The following GRM7 variants were observed in gnomAD, a reference collection of about 807,000 sequenced individuals.
GRM7 encodes the protein glutamate metabotropic receptor 7, also known as metabotropic glutamate receptor 7.
GRM7 carries 35 observed loss-of-function variants against 84.5 expected under a neutral mutation model. The observed-to-expected ratio is 0.41, with a 90% CI of 0.32 to 0.55. The LOEUF is 0.55. GRM7 is among the 20% of genes least tolerant of loss of function. GRM7 has a pLI of 0.19. For missense variants in GRM7, 1,003 were observed against 1,194.6 expected (o/e 0.84, Z 2.36); for synonymous variants, 487 against 455.1 (o/e 1.07, Z -0.89).
At chr3:6,955,610 T>A (rs1693006342) in intron 1 of GRM7, among the ~76,000 whole-genome samples, 1 of 151,656 alleles carries the variant, frequency 6.6e-6, no homozygotes, top group African/African-American at 2.4e-5. Flanking sequence ...TTTAGGAGGC[T>A]GAGATGGGCA....
intron 7 of GRM7, among the ~76,000 whole-genome samples, chr3:7,551,729 T>A (rs1693487830): frequency 6.6e-6 from 1 of 152,148 alleles, no homozygotes; most frequent in African/African-American, 2.4e-5. Flanking sequence ...GTCAGAGGAT[T>A]GCCTGGGAAG....
In GRM7 at chr3:6,951,415, C is replaced by G. The variant is rs1575058518; in HGVS notation, c.519+89508C>G. ...TCTTTCTTCTTTTTTCTAATATAGG[C>G]ATTTAATGCTATAAATTTCCCCTTA... is the stretch of plus-strand genomic sequence containing the variant. On this transcript the variant is annotated intron_variant, in intron 1 of 9. Transcript: ENST00000357716. Among the ~76,000 whole-genome samples the G allele has an allele frequency of 3.9e-5, 6 of 152,094 alleles. No individual in the cohort carries two copies. The South Asian group carries it at 1.0e-3, about 26-fold the overall frequency.
chr3:7,358,353 C>CACTCAGGCTGGAGTGCAGTGGCATGATCT (rs1553567485), intron 4 of GRM7, among the ~76,000 whole-genome samples: 10 of 150,128 alleles, frequency 6.7e-5, no homozygotes, highest in South Asian at 2.1e-4. Flanking sequence ...TGGACTGAGT[C>CACTCAGGCTGGAGTGCAGTGGCATGATCT]CCAGGAGATC....
chr3:7,470,564 A>G (rs1698658572), intron 7 of GRM7, among the ~76,000 whole-genome samples: 1 of 152,192 alleles, frequency 6.6e-6, no homozygotes, highest in African/African-American at 2.4e-5. Context: ...TGGTTCCACA[A>G]ACATGTACAT....
rs1694819260 is a variant in GRM7 at position 6,863,124 on chromosome 3, T to TG, written c.519+1218dup. On this transcript the variant is annotated intron_variant, in intron 1 of 9. Transcript: ENST00000357716. This position sits in a 1 kb window ranked among gnomAD's most constrained non-coding sequence, Gnocchi z 4.8. ...TCTCTTTCTGTCTCTGTCTCCTTGC[T>TG]GTTTTTTTTTTCTCTCTGTTTTTTC... 3 of 341,438 alleles carry TG rather than the reference T, an allele frequency of 8.8e-6. No individual in the cohort carries two copies. Among genetic ancestry groups the TG allele is most frequent in the Non-Finnish European group, 1.7e-5 (3 of 173,214 alleles). The allele number at this position is 341,438 out of a possible 1,614,324, so 21.2% of individuals were successfully genotyped here.
intron 7 of GRM7, among the ~76,000 whole-genome samples, chr3:7,567,774 A>T (rs1217634006): frequency 7.5e-6 from 1 of 133,984 alleles, no homozygotes; most frequent in Non-Finnish European, 1.6e-5. Flanking sequence ...AAAAAAAAAA[A>T]AAAAAAAAAA....
At chr3:7,212,923 C>A (rs1696478185) in intron 2 of GRM7, among the ~76,000 whole-genome samples, 2 of 152,162 alleles carry the variant, frequency 1.3e-5, no homozygotes. Context: ...TGAATAGTGG[C>A]TGGAGTGGAG....
Position 7,694,436 on chromosome 3 carries a change from C to T in GRM7, c.2698+14141C>T, listed in dbSNP as rs550604497. The stretch of plus-strand genomic sequence containing the variant: ...GTACCCATTGTCATCCTGTACCACA[C>T]ATAATAAAGTTTAAGAATGTCAAGC... On this transcript the variant is annotated intron_variant, in intron 9 of 9. Transcript: ENST00000357716. 52 of 936,158 alleles carry T rather than the reference C, an allele frequency of 5.6e-5. No homozygotes were observed. In the African/African-American group the frequency reaches 6.2e-4, roughly 11 times the overall value. 58.0% of individuals were successfully genotyped at this position (936,158 alleles called of 1,614,324 possible). A position where few individuals can be genotyped will look rare whatever the true frequency, so the allele number is the denominator to read the frequency against.
intron 1 of GRM7, among the ~76,000 whole-genome samples, chr3:7,002,532 C>T (rs1347649643): frequency 1.3e-5 from 2 of 152,108 alleles, no homozygotes; most frequent in East Asian, 1.9e-4. Context: ...GTATCCTGAG[C>T]ACTCTGCTAG....
At chr3:7,238,047 C>A (rs1018803102) in intron 2 of GRM7, among the ~76,000 whole-genome samples, 9 of 152,188 alleles carry the variant, frequency 5.9e-5, no homozygotes, top group Non-Finnish European at 1.2e-4. Context: ...CTGGCTTCAC[C>A]TCTCAAAAGC....
chr3:7,125,761 G>A (rs983150922), intron 1 of GRM7, among the ~76,000 whole-genome samples: 14 of 152,136 alleles, frequency 9.2e-5, no homozygotes, highest in Admixed American at 6.6e-4. Context: ...AGACTTGTTG[G>A]CAGTAAAAAT....
At chr3:6,982,221 C>T (rs189004893) in intron 1 of GRM7, among the ~76,000 whole-genome samples, 4 of 152,258 alleles carry the variant, frequency 2.6e-5, no homozygotes, top group Admixed American at 2.6e-4. Flanking sequence ...TTCATGCTCT[C>T]ATTTGTAAGT....
chr3:7,672,602 T>C (rs907414104), intron 8 of GRM7, among the ~76,000 whole-genome samples: 2 of 34,614 alleles, frequency 5.8e-5, no homozygotes, highest in Admixed American at 4.6e-4. Flanking sequence ...TTTAATATAC[T>C]TTTTTTTTTT....
chr3:7,396,182 T>G (rs902926757), intron 4 of GRM7, among the ~76,000 whole-genome samples: 1 of 152,106 alleles, frequency 6.6e-6, no homozygotes, highest in African/African-American at 2.4e-5. Flanking sequence ...GAGAAAATTT[T>G]GGACAAAACA....
chr3:7,131,595 C>T (rs568357864), intron 1 of GRM7, among the ~76,000 whole-genome samples: 6 of 152,230 alleles, frequency 3.9e-5, no homozygotes, highest in Non-Finnish European at 7.4e-5. Flanking sequence ...TCTCCTGCCT[C>T]GGCCTCCTGA....
chr3:7,254,133 G>C (rs1470905389), intron 2 of GRM7, among the ~76,000 whole-genome samples: 4 of 152,144 alleles, frequency 2.6e-5, no homozygotes, highest in African/African-American at 7.2e-5. Context: ...ACTTCAGCAA[G>C]GTCATGTCAG....
At chr3:7,618,279 A>T (rs1208995409) in intron 8 of GRM7, among the ~76,000 whole-genome samples, 3 of 152,144 alleles carry the variant, frequency 2.0e-5, no homozygotes, top group African/African-American at 7.2e-5. Context: ...AATGTTAGGT[A>T]GGGTTAGTGT....
At chr3:7,724,219 A>G (rs984744724) in intron 9 of GRM7, among the ~76,000 whole-genome samples, 19 of 152,156 alleles carry the variant, frequency 1.2e-4, no homozygotes, top group African/African-American at 4.6e-4. Flanking sequence ...GAAAGCAACA[A>G]TGAAGCAAGG....
chr3:6,950,588 G>C (rs1692709935), intron 1 of GRM7, among the ~76,000 whole-genome samples: 1 of 152,228 alleles, frequency 6.6e-6, no homozygotes, highest in African/African-American at 2.4e-5. Context: ...AAAACTGTCA[G>C]ACAGGGACAT....
Sources: gnomAD v4.1 joint callset for allele counts (sites outside exome capture counted in the v4.1 genomes callset) on GRCh38, gnomAD v4.1.1 for gene constraint, Gnocchi (gnomAD v3.1) non-coding constraint, MANE v1.5 for transcripts, NCBI Gene and HGNC (gene_info 2026-07-23, HGNC 2026-07-21) for gene names.